The following CFLAR variants were observed in gnomAD, a reference collection of about 807,000 sequenced individuals.
The protein encoded by CFLAR is CASP8 and FADD-like apoptosis regulator.
CFLAR carries 14 observed loss-of-function variants against 51.1 expected under a neutral mutation model. The observed-to-expected ratio is 0.27, with a 90% confidence interval of 0.18 to 0.43. The LOEUF is 0.43. Ranked by LOEUF, CFLAR falls within the 20% of genes least tolerant of loss-of-function variation. The pLI is 1.00. For missense variants in CFLAR, 390 were observed against 566.5 expected, an observed-to-expected ratio of 0.69 and a Z score of 3.16; for synonymous variants, 210 against 211.6, an observed-to-expected ratio of 0.99 and a Z score of 0.06.
chr2:201,118,838 T>A lies in CFLAR; in HGVS notation c.-138+2357T>A, dbSNP rs2047876286. On this transcript the variant is annotated intron_variant, in intron 1 of 9. Transcript: ENST00000309955. The surrounding 1 kb of genome is among the most constrained non-coding windows in gnomAD (Gnocchi z 5.1). The stretch of plus-strand genomic sequence containing the variant: ...TTGCGGAGCAGCAGGTCTGAGCTTG[T>A]CCGGCGAGGGTGGGAGTTGGTCCCG... The A allele has an allele frequency of 6.6e-6, 1 of 152,508 alleles. No individual in the cohort carries two copies. The highest frequency in any genetic ancestry group is 6.5e-5 in the Admixed American group (1 of 15,292). 9.4% of individuals were successfully genotyped at this position (152,508 alleles called of 1,614,324 possible). A position where few individuals can be genotyped will look rare whatever the true frequency, so the allele number is the denominator to read the frequency against.
At chr2:201,140,131 T>C (rs2125764981) in intron 4 of CFLAR, 2 of 236,352 alleles carry the variant, frequency 8.5e-6, no homozygotes, top group Non-Finnish European at 1.5e-5. Context: ...CTGGGTGGGC[T>C]GGGGGCGGGG....
rs1943479325 is a variant in CFLAR at position 201,165,749 on chromosome 2, C to T, written c.*1776C>T. ...TGCGGCCTTCCGCAGTGTTTGTGTC[C>T]CTGGGTACTTGAGATTAGGGAGTGG... On this transcript the variant is annotated 3_prime_UTR_variant, in exon 10 of 10. Coordinates refer to ENST00000309955, the MANE Select transcript of CFLAR (RefSeq NM_003879.7). 1 of 154,178 alleles carries T rather than the reference C, an allele frequency of 6.5e-6. No individual in the cohort carries two copies. The highest frequency in any genetic ancestry group is 6.5e-5 in the Admixed American group (1 of 15,288). The allele number at this position is 154,178 out of a possible 1,614,324, so 9.6% of individuals were successfully genotyped here. A position where few individuals can be genotyped will look rare whatever the true frequency, so the allele number is the denominator to read the frequency against.
intron 4 of CFLAR, chr2:201,136,756 T>C: frequency 2.4e-6 from 1 of 410,284 alleles, no homozygotes. Context: ...TCTAAATGAC[T>C]GATCAAAGAT....
chr2:201,159,081 T>C (rs181269858), intron 8 of CFLAR, among the ~76,000 whole-genome samples: 154 of 151,906 alleles, frequency 1.0e-3, no homozygotes, highest in African/African-American at 3.4e-3. Flanking sequence ...TTTCACCATA[T>C]TGGCCAGACT....
chr2:201,135,537 T>A (rs112712530), intron 3 of CFLAR, among the ~76,000 whole-genome samples: 1 of 152,174 alleles, frequency 6.6e-6, no homozygotes, highest in African/African-American at 2.4e-5. Flanking sequence ...TGGTTTAAGA[T>A]CACTGAAGGT....
At position 201,172,992 on chromosome 2, in the gene CFLAR, A is replaced by G. The variant is rs1043617711; in HGVS notation, c.*9019A>G. The stretch of plus-strand genomic sequence containing the variant: ...CTGCCAAACTGCTTTTCAAAGTAGT[A>G]GCATCATTTTATATTCCCACCAGCA... On this transcript the variant is annotated 3_prime_UTR_variant, in exon 10 of 10. Coordinates refer to ENST00000309955, the MANE Select transcript of CFLAR (RefSeq NM_003879.7). 1 of 152,230 alleles carries G rather than the reference A, an allele frequency of 6.6e-6. No individual in the cohort carries two copies. The highest frequency in any genetic ancestry group is 1.5e-5 in the Non-Finnish European group (1 of 68,046). 9.4% of individuals were successfully genotyped at this position (152,230 alleles called of 1,614,324 possible).
intron 8 of CFLAR, among the ~76,000 whole-genome samples, chr2:201,155,811 G>A (rs900088970): frequency 5.3e-5 from 8 of 152,046 alleles, no homozygotes; most frequent in Non-Finnish European, 8.8e-5. Flanking sequence ...ATTCTGTAGA[G>A]ACAGGGTCTC....
At chr2:201,135,457 C>T (rs1294887668) in intron 3 of CFLAR, among the ~76,000 whole-genome samples, 1 of 152,142 alleles carries the variant, frequency 6.6e-6, no homozygotes, top group Non-Finnish European at 1.5e-5. Flanking sequence ...AGATTGATGA[C>T]CAAAAGACTT....
intron 8 of CFLAR, chr2:201,150,186 T>A (rs1215330707): frequency 6.5e-6 from 1 of 154,894 alleles, no homozygotes; most frequent in African/African-American, 2.4e-5. Flanking sequence ...ATACAAAAAT[T>A]AGCTGGGCAT....
Position 201,163,767 on chromosome 2 carries a change from C to T in CFLAR, c.1305-68C>T, listed in dbSNP as rs184107674. On this transcript the variant is annotated intron_variant, in intron 9 of 9. Coordinates refer to ENST00000309955, the MANE Select transcript of CFLAR (RefSeq NM_003879.7). ...AACTTTCACATCTGTTGGCTCATTT[C>T]GCCCTAATGACAGTCTTCTCTTTGA... 2.5e-3 allele frequency: 3,922 copies of T among 1,549,332 alleles called. 17 individuals carry two copies. Among genetic ancestry groups the T allele is most frequent in the Non-Finnish European group, 3.1e-3 (3,530 of 1,148,894 alleles).
chr2:201,130,262 C>T, intron 2 of CFLAR, 116 bp downstream of exon 2: 1 of 888,892 alleles, frequency 1.1e-6, no homozygotes, highest in Non-Finnish European at 1.6e-6. Context: ...CTGTCTCTGC[C>T]CACTTATCCA....
chr2:201,146,554 T>C (rs920102224), intron 6 of CFLAR: 2 of 152,380 alleles, frequency 1.3e-5, no homozygotes, highest in Non-Finnish European at 2.9e-5. Flanking sequence ...AGTGCCGGGA[T>C]TACAGGCGTG....
chr2:201,140,311 A>G, intron 4 of CFLAR, 46 bp from the exon 5 acceptor site: 1 of 1,582,122 alleles, frequency 6.3e-7, no homozygotes, highest in Non-Finnish European at 8.6e-7. Context: ...TTTATTTGAT[A>G]ATAATTTGTA....
At chr2:201,135,222 A>G (rs1360411631) in intron 3 of CFLAR, among the ~76,000 whole-genome samples, 1 of 152,206 alleles carries the variant, frequency 6.6e-6, no homozygotes, top group African/African-American at 2.4e-5. Flanking sequence ...TGATTCAAAT[A>G]TTTTGGAAAC....
In CFLAR at chr2:201,171,067, G is replaced by T. The variant is rs2125988290; in HGVS notation, c.*7094G>T. The T allele has an allele frequency of 6.6e-6, 1 of 152,232 alleles. No individual in the cohort carries two copies. Among genetic ancestry groups the T allele is most frequent in the South Asian group, 2.1e-4 (1 of 4,822 alleles). The allele number at this position is 152,232 out of a possible 1,614,324, so 9.4% of individuals were successfully genotyped here. A position where few individuals can be genotyped will look rare whatever the true frequency, so the allele number is the denominator to read the frequency against. The stretch of plus-strand genomic sequence containing the variant: ...ACTGAGGAATGGAAAACCAAACATT[G>T]TATGTTCTCACTCATAAGTGGGAGA... On this transcript the variant is annotated 3_prime_UTR_variant, in exon 10 of 10. Coordinates refer to ENST00000309955, the MANE Select transcript of CFLAR (RefSeq NM_003879.7).
At chr2:201,127,946 C>T (rs1261488756) in intron 1 of CFLAR, among the ~76,000 whole-genome samples, 1 of 152,018 alleles carries the variant, frequency 6.6e-6, no homozygotes, top group African/African-American at 2.4e-5. Flanking sequence ...ATTTTGTTAA[C>T]TCTTGGTGGC....
intron 8 of CFLAR, chr2:201,153,184 G>C (rs1470282069): frequency 6.6e-6 from 1 of 152,150 alleles, no homozygotes; most frequent in Non-Finnish European, 1.5e-5. Flanking sequence ...TCAGTAATTG[G>C]GCTTGAGGCC....
chr2:201,142,682 CT>C (rs1472408676), intron 5 of CFLAR: 2 of 153,402 alleles, frequency 1.3e-5, no homozygotes, highest in Non-Finnish European at 2.9e-5. Flanking sequence ...TCACCGCAAC[CT>C]CCGCCTCCCG....
chr2:201,136,402 A>G, intron 4 of CFLAR: 2 of 1,598,424 alleles, frequency 1.3e-6, no homozygotes, highest in Non-Finnish European at 1.7e-6. Flanking sequence ...AGCTATGGAC[A>G]TTCAGGGGTT....
Sources: gnomAD v4.1 joint callset for allele counts (sites outside exome capture counted in the v4.1 genomes callset) on GRCh38, gnomAD v4.1.1 for gene constraint, Gnocchi (gnomAD v3.1) non-coding constraint, MANE v1.5 for transcripts, NCBI Gene and HGNC (gene_info 2026-07-23, HGNC 2026-07-21) for gene names.